The following EYS variants were observed in gnomAD, a reference collection of about 807,000 sequenced individuals.
EYS encodes the protein EGF-like photoreceptor maintenance factor, also known as protein eyes shut homolog.
EYS carries 250 observed loss-of-function variants against 282.1 expected under a neutral mutation model. The observed-to-expected ratio is 0.89, with a 90% CI of 0.80 to 0.98. The LOEUF (loss-of-function observed/expected upper bound fraction) is 0.98. Ranked by LOEUF, EYS falls within the 50% of genes least tolerant of loss-of-function variation. The pLI is 0.00. For missense variants in EYS, 4,016 were observed against 3,709.0 expected (o/e 1.08, Z -2.15); for synonymous variants, 1,355 against 1,282.9 (o/e 1.06, Z -1.20).
chr6:64,163,843 A>G (rs533728238), intron 31 of EYS, among the ~76,000 whole-genome samples: 1 of 152,224 alleles, frequency 6.6e-6, no homozygotes, highest in Admixed American at 6.5e-5. Context: ...CAGCTGTTAG[A>G]GTCTGAGAAG....
chr6:64,926,689 C>T (rs994050293), intron 15 of EYS, among the ~76,000 whole-genome samples: 1 of 152,106 alleles, frequency 6.6e-6, no homozygotes, highest in Admixed American at 6.5e-5. Context: ...TCCCGTGTTC[C>T]TTTTTGCACA....
chr6:65,154,099 C>G (rs1764679300), intron 12 of EYS, among the ~76,000 whole-genome samples: 1 of 151,760 alleles, frequency 6.6e-6, no homozygotes. Context: ...ATTTTAAGCT[C>G]TCGGAAAAGA....
At chr6:65,567,813 T>C (rs1449620635) in intron 2 of EYS, among the ~76,000 whole-genome samples, 1 of 152,112 alleles carries the variant, frequency 6.6e-6, no homozygotes, top group Non-Finnish European at 1.5e-5. Flanking sequence ...TCTTTGAATA[T>C]TGCTCCCTTA....
chr6:64,265,039 TAAAAC>T (rs1373657839), intron 30 of EYS, among the ~76,000 whole-genome samples: 1 of 152,128 alleles, frequency 6.6e-6, no homozygotes, highest in Non-Finnish European at 1.5e-5. Flanking sequence ...TTTATTGGAA[TAAAAC>T]AAAATTATCT....
At position 65,057,692 on chromosome 6, in the gene EYS, A is replaced by G; in HGVS notation, c.2059T>C (p.Ser687Pro). The stretch of plus-strand genomic sequence containing the variant: ...GTGGCTCCATTTTTGCAGGGATGTG[A>G]AGCACACTCATCTATATCAATTTCA... ...QCEIDIDECA[S>P]HPCKNGATCI... Residue 687 changes from serine (S) to proline (P), a missense_variant, in exon 13 of 43, where the codon TCA (serine) becomes CCA (proline). By Grantham distance (74) the Ser-to-Pro change is moderately conservative (BLOSUM62 -1). Coordinates refer to ENST00000503581, the MANE Select transcript of EYS (RefSeq NM_001142800.2). The G allele has an allele frequency of 6.4e-7, 1 of 1,550,922 alleles. No individual in the cohort carries two copies. The highest frequency in any genetic ancestry group is 8.7e-7 in the Non-Finnish European group (1 of 1,146,438).
chr6:63,943,752 CAGAT>C (rs1765309057), intron 35 of EYS, among the ~76,000 whole-genome samples: 1 of 152,144 alleles, frequency 6.6e-6, no homozygotes, highest in African/African-American at 2.4e-5. Context: ...AGCATTTCTC[CAGAT>C]AGATAGTAAC....
In EYS at chr6:65,298,065, T is replaced by C. The variant is rs1416875540; in HGVS notation, c.1767-1946A>G. Among the ~76,000 whole-genome samples, 3 of 152,182 alleles carry C rather than the reference T, an allele frequency of 2.0e-5. No individual in the cohort carries two copies. The East Asian group carries it at 5.8e-4, about 29-fold the overall frequency. On this transcript the variant is annotated intron_variant, in intron 11 of 42. Coordinates refer to ENST00000503581, the MANE Select transcript of EYS (RefSeq NM_001142800.2). ...AAAATGAAAAGAAAATTGTAGAAAGTTCCTTCCTAAATGAACAGGATATCC... is the reference window on the plus strand; with the variant it reads ...AAAATGAAAAGAAAATTGTAGAAAGCTCCTTCCTAAATGAACAGGATATCC...
intron 37 of EYS, chr6:63,798,147 T>A (rs1770692344): frequency 1.3e-5 from 2 of 152,314 alleles, no homozygotes; most frequent in Middle Eastern, 6.8e-3. Flanking sequence ...TATTCCCTCT[T>A]CAGAAATACA....
chr6:64,788,737 T>G (rs1159132708), intron 22 of EYS, among the ~76,000 whole-genome samples: 2 of 152,184 alleles, frequency 1.3e-5, no homozygotes, highest in Admixed American at 1.3e-4. Context: ...TTCCCTATTG[T>G]CACTTACTTC....
intron 15 of EYS, among the ~76,000 whole-genome samples, chr6:64,941,849 G>T (rs527448541): frequency 6.6e-6 from 1 of 152,158 alleles, no homozygotes; most frequent in East Asian, 1.9e-4. Flanking sequence ...TTTTCTTTAT[G>T]CAATCCCATG....
In EYS at chr6:63,892,667, T is replaced by G. The variant is rs180760200; in HGVS notation, c.7056-28309A>C. 1.5e-3 allele frequency among the ~76,000 whole-genome samples: 232 copies of G among 152,276 alleles called. 1 individual carries two copies. The South Asian group carries it at 0.023, about 15-fold the overall frequency. ...GGCAATACCATTCAGGACATAGGCA[T>G]GGGCAAAGACTTCATGACTGAAACA... On this transcript the variant is annotated intron_variant, in intron 35 of 42. Coordinates refer to ENST00000503581, the MANE Select transcript of EYS (RefSeq NM_001142800.2).
intron 1 of EYS, among the ~76,000 whole-genome samples, chr6:65,669,327 G>C (rs1768304591): frequency 6.6e-6 from 1 of 151,856 alleles, no homozygotes; most frequent in Non-Finnish European, 1.5e-5. Context: ...CCCTTTTCTA[G>C]AGGCATAAGA....
chr6:64,111,367 G>C (rs115176368), intron 31 of EYS, among the ~76,000 whole-genome samples: 4,370 of 152,110 alleles, frequency 0.029, 67 homozygotes, highest in Non-Finnish European at 0.046. Flanking sequence ...GAGAAAAAGA[G>C]GCTATAGGAG....
intron 5 of EYS, among the ~76,000 whole-genome samples, chr6:65,427,893 G>GATGATATCAAGAAC (rs1376264669): frequency 6.6e-6 from 1 of 151,972 alleles, no homozygotes; most frequent in Non-Finnish European, 1.5e-5. Context: ...TCCACATATA[G>GATGATATCAAGAAC]ATGATATCAA....
chr6:64,481,024 C>T (rs1471552570), intron 26 of EYS, among the ~76,000 whole-genome samples: 1 of 151,252 alleles, frequency 6.6e-6, no homozygotes, highest in African/African-American at 2.4e-5. Context: ...ACTCTTTTCA[C>T]AATTATAGTT....
intron 1 of EYS, among the ~76,000 whole-genome samples, chr6:65,650,748 A>G (rs1449253504): frequency 1.3e-5 from 2 of 152,202 alleles, no homozygotes; most frequent in Admixed American, 1.3e-4. Flanking sequence ...ACAGAGAGCA[A>G]AAACAGCTCT....
At chr6:64,856,807 GCTCTA>G (rs1766077750) in intron 19 of EYS, among the ~76,000 whole-genome samples, 4 of 151,654 alleles carry the variant, frequency 2.6e-5, no homozygotes, top group African/African-American at 9.7e-5. Flanking sequence ...CATGGATCAA[GCTCTA>G]GTTGCTATAT....
chr6:64,302,321 T>A (rs925707536), intron 30 of EYS, among the ~76,000 whole-genome samples: 2 of 152,158 alleles, frequency 1.3e-5, no homozygotes, highest in African/African-American at 2.4e-5. Context: ...CATCCCCTCT[T>A]TCAACAGGTG....
intron 12 of EYS, among the ~76,000 whole-genome samples, chr6:65,109,669 A>C (rs1047015110): frequency 1.3e-5 from 2 of 151,918 alleles, no homozygotes; most frequent in Non-Finnish European, 2.9e-5. Flanking sequence ...AAAAAAAAAA[A>C]AACACCTTTT....
Sources: gnomAD v4.1 joint callset for allele counts (sites outside exome capture counted in the v4.1 genomes callset) on GRCh38, gnomAD v4.1.1 for gene constraint, MANE v1.5 for transcripts, NCBI Gene and HGNC (gene_info 2026-07-23, HGNC 2026-07-21) for gene names.